Variants in DCAF8L2 observed in about 807,000 individuals in gnomAD.
DCAF8L2 encodes the protein DDB1 and CUL4 associated factor 8 like 2, also known as DDB1- and CUL4-associated factor 8-like protein 2.
For missense variants in DCAF8L2, 430 were observed against 490.7 expected (o/e 0.88, Z 1.17); for synonymous variants, 200 against 190.9 (o/e 1.05, Z -0.39).
At chrX:27,574,022 G>A in the DCAF8L2 span, among the ~76,000 whole-genome samples, 841 of 109,918 alleles carry the variant, frequency 7.7e-3, 5 homozygotes, top group African/African-American at 0.027. Context: ...TAGTAACAAG[G>A]TCTCCCTGTG....
At chrX:27,636,632 T>C (rs1928513578) in intron 2 of DCAF8L2, among the ~76,000 whole-genome samples, 1 of 111,088 alleles carries the variant, frequency 9.0e-6, no homozygotes, top group South Asian at 3.8e-4. Context: ...ATCTCAAACC[T>C]GAACACATCT....
chrX:27,650,528 T>C (rs1449071871), intron 2 of DCAF8L2, among the ~76,000 whole-genome samples: 1 of 112,083 alleles, frequency 8.9e-6, no homozygotes, highest in Non-Finnish European at 1.9e-5. Context: ...TGGTTAGATG[T>C]ATTGCTAGGT....
intron 2 of DCAF8L2, chrX:27,633,305 C>T (rs1020872871): frequency 8.9e-6 from 1 of 112,192 alleles, no homozygotes; most frequent in Non-Finnish European, 1.9e-5. Context: ...CCAAGCCCTT[C>T]CATCTTTAAT....
At chrX:27,730,561 G>T (rs1047020087) in intron 4 of DCAF8L2, among the ~76,000 whole-genome samples, 3 of 110,258 alleles carry the variant, frequency 2.7e-5, no homozygotes, top group African/African-American at 9.9e-5. Context: ...GGGATTACAG[G>T]TGCCCGCCAC....
intron 2 of DCAF8L2, among the ~76,000 whole-genome samples, chrX:27,649,905 A>G (rs963964858): frequency 9.0e-6 from 1 of 111,440 alleles, no homozygotes; most frequent in African/African-American, 3.3e-5. Flanking sequence ...GTGCTTCTCA[A>G]TTTTTCTTCC....
chrX:27,677,505 A>G (rs917113557), intron 2 of DCAF8L2, among the ~76,000 whole-genome samples: 1 of 111,668 alleles, frequency 9.0e-6, no homozygotes, highest in Non-Finnish European at 1.9e-5. Context: ...ATAGTTTCCC[A>G]GTTGAAGAGA....
chrX:27,699,129 T>A (rs1278543742), intron 3 of DCAF8L2, among the ~76,000 whole-genome samples: 1 of 111,469 alleles, frequency 9.0e-6, no homozygotes, highest in Non-Finnish European at 1.9e-5. Flanking sequence ...GAAAAAAATG[T>A]GATTCAGTGT....
the DCAF8L2 span, among the ~76,000 whole-genome samples, chrX:27,577,703 C>T: frequency 9.0e-6 from 1 of 111,286 alleles, no homozygotes; most frequent in Non-Finnish European, 1.9e-5. Flanking sequence ...TCAGCAAAGT[C>T]TCAGGATACA....
chrX:27,488,805 G>A, the DCAF8L2 span, among the ~76,000 whole-genome samples: 1 of 109,127 alleles, frequency 9.2e-6, no homozygotes, highest in Non-Finnish European at 1.9e-5. Flanking sequence ...ACAGGCACGC[G>A]CCACCATGTC....
rs919317064 is a variant in DCAF8L2 at position 27,628,793 on chromosome X, C to T, written c.-341-3086C>T. ...TAATTTTTTGTATTTTTAGTAGAGA[C>T]GGGGTTTCACCATGTTAGCCAGGAC... is the stretch of plus-strand genomic sequence containing the variant. On this transcript the variant is annotated intron_variant, in intron 1 of 4. Transcript: ENST00000451261. 2.2e-4 allele frequency among the ~76,000 whole-genome samples: 24 copies of T among 110,175 alleles called. 1 individual carries two copies. The highest frequency in any genetic ancestry group is 3.9e-4 in the South Asian group (1 of 2,545).
At chrX:27,572,952 C>T in the DCAF8L2 span, among the ~76,000 whole-genome samples, 1 of 111,253 alleles carries the variant, frequency 9.0e-6, no homozygotes, top group Non-Finnish European at 1.9e-5. Context: ...TGATCTTCCT[C>T]TATTGGGATC....
intron 2 of DCAF8L2, among the ~76,000 whole-genome samples, chrX:27,647,752 C>T (rs1051165597): frequency 9.0e-6 from 1 of 110,834 alleles, no homozygotes; most frequent in Non-Finnish European, 1.9e-5. Context: ...TCTACACTTT[C>T]TATAAAAAAG....
In DCAF8L2 at chrX:27,747,367, G is replaced by A. The variant is rs777466794; in HGVS notation, c.472G>A (p.Gly158Ser). ...QPRAGPQGSG[G>S]NHEQYSLEED... ...TCGGGCGGGTCCACAAGGCAGTGGC[G>A]GCAACCATGAGCAGTATTCGTTAGA... Residue 158 changes from glycine to serine, a missense_variant, in exon 5 of 5, where the codon GGC (glycine) becomes AGC (serine). Gly to Ser is a moderately conservative substitution (Grantham distance 56). Transcript: ENST00000451261. The A allele has an allele frequency of 1.2e-5, 14 of 1,166,004 alleles. No homozygotes were observed. Among genetic ancestry groups the A allele is most frequent in the Middle Eastern group, 2.3e-4 (1 of 4,291 alleles).
intron 2 of DCAF8L2, among the ~76,000 whole-genome samples, chrX:27,647,064 T>C (rs1928967530): frequency 8.9e-6 from 1 of 111,963 alleles, no homozygotes; most frequent in African/African-American, 3.2e-5. Flanking sequence ...ACTGGTTATA[T>C]ACCCAAAGGA....
the DCAF8L2 span, among the ~76,000 whole-genome samples, chrX:27,475,997 A>G: frequency 9.0e-6 from 1 of 111,388 alleles, no homozygotes; most frequent in East Asian, 2.8e-4. Context: ...ATAGGGGCAC[A>G]TGGGACAACC....
rs1922442520 is a variant in DCAF8L2, at chrX:27,749,163, T to C, written c.*372T>C. On this transcript the variant is annotated 3_prime_UTR_variant, in exon 5 of 5. Transcript: ENST00000451261. ...AGATGCATCTACTCAAATCTGACAG[T>C]CTGAAAACGGTTACCTTTTTACTTT... 1.8e-5 allele frequency among the ~76,000 whole-genome samples: 2 copies of C among 112,130 alleles called. No individual in the cohort carries two copies. Among genetic ancestry groups the C allele is most frequent in the South Asian group, 7.4e-4 (2 of 2,707 alleles).
intron 3 of DCAF8L2, among the ~76,000 whole-genome samples, chrX:27,709,817 G>A (rs1931462640): frequency 9.1e-6 from 1 of 110,200 alleles, no homozygotes. Flanking sequence ...TGGCTGGCAT[G>A]TTCATTTTTT....
intron 4 of DCAF8L2, among the ~76,000 whole-genome samples, chrX:27,728,487 G>A (rs1351167120): frequency 9.0e-6 from 1 of 110,872 alleles, no homozygotes; most frequent in African/African-American, 3.3e-5. Flanking sequence ...CCTATTTAAG[G>A]GAAAGCCTTA....
chrX:27,587,985 A>AAAAAAAAAAAT, upstream of DCAF8L2, among the ~76,000 whole-genome samples: 1 of 22,367 alleles, frequency 4.5e-5, no homozygotes, highest in African/African-American at 9.8e-5. Context: ...TAAAAAAAAA[A>AAAAAAAAAAAT]ATATATATAT....
Sources: gnomAD v4.1 joint callset for allele counts (sites outside exome capture counted in the v4.1 genomes callset) on GRCh38, gnomAD v4.1.1 for gene constraint, MANE v1.5 for transcripts, NCBI Gene and HGNC (gene_info 2026-07-23, HGNC 2026-07-21) for gene names.